PPM1E: variants seen among roughly 807,000 people sequenced by gnomAD.
PPM1E encodes the protein protein phosphatase, Mg2+/Mn2+ dependent 1E, also known as protein phosphatase 1E.
A neutral mutation model predicts 65.9 loss-of-function variants in PPM1E; 20 were observed. That is an observed-to-expected ratio of 0.30 (90% CI 0.21 to 0.44). The LOEUF is 0.44. Ranked by LOEUF, PPM1E falls within the 20% of genes least tolerant of loss-of-function variation. The probability of loss-of-function intolerance (pLI) is 1.00; values close to 1 mark genes in which losing one functional copy is unlikely to be tolerated. For missense variants in PPM1E, 713 were observed against 953.1 expected (o/e 0.75, Z 3.32); for synonymous variants, 352 against 374.9 (o/e 0.94, Z 0.70).
chr17:58,969,619 C>G lies in PPM1E; in HGVS notation c.864C>G (p.Leu288=), dbSNP rs142776229. 1,709 of 1,614,126 alleles carry G rather than the reference C, an allele frequency of 1.1e-3. 1 individual carries two copies. Among genetic ancestry groups the G allele is most frequent in the Middle Eastern group, 1.5e-3 (9 of 6,062 alleles). The part of the protein sequence containing the change: ...VDAAIYASIH[L]HVNLVRQEMF... ...CTGCTATTTATGCCTCCATTCACCT[C>G]CACGTTAACTTAGTCCGCCAGGAGA... The change falls in exon 4 of 7, where the codon CTC becomes CTG. Residue 288 remains leucine (L), a synonymous_variant. Transcript: ENST00000308249.
intron 1 of PPM1E, among the ~76,000 whole-genome samples, chr17:58,831,063 T>C (rs1275870566): frequency 6.7e-6 from 1 of 149,174 alleles, no homozygotes; most frequent in Non-Finnish European, 1.5e-5. Context: ...CAGGCTGGAG[T>C]GCAGTAGCAC....
intron 1 of PPM1E, among the ~76,000 whole-genome samples, chr17:58,882,736 A>G (rs1450874964): frequency 2.0e-5 from 3 of 151,928 alleles, no homozygotes; most frequent in Non-Finnish European, 2.9e-5. Context: ...TTCCGTAGCA[A>G]TACTACTATT....
intron 1 of PPM1E, among the ~76,000 whole-genome samples, chr17:58,937,345 C>T (rs2051996223): frequency 6.8e-6 from 1 of 146,444 alleles, no homozygotes; most frequent in African/African-American, 2.5e-5. Flanking sequence ...CTCACTGCAA[C>T]CTCCACCTCC....
chr17:58,836,910 C>CA (rs1400001583), intron 1 of PPM1E, among the ~76,000 whole-genome samples: 2 of 149,054 alleles, frequency 1.3e-5, no homozygotes, highest in Non-Finnish European at 3.0e-5. Flanking sequence ...GTCCCAGCTA[C>CA]ACGGGAGGCT....
intron 6 of PPM1E, among the ~76,000 whole-genome samples, chr17:58,973,690 C>T (rs553233601): frequency 6.6e-6 from 1 of 151,818 alleles, no homozygotes; most frequent in South Asian, 2.1e-4. Flanking sequence ...CAGTGGGTCA[C>T]GCCTGTATTC....
intron 2 of PPM1E, among the ~76,000 whole-genome samples, chr17:58,959,863 A>G (rs1412392058): frequency 6.6e-6 from 1 of 152,176 alleles, no homozygotes; most frequent in Non-Finnish European, 1.5e-5. Flanking sequence ...TAATGGGGGA[A>G]AATAAAAATA....
At chr17:58,816,857 G>A (rs958213157) in intron 1 of PPM1E, among the ~76,000 whole-genome samples, 17 of 140,856 alleles carry the variant, frequency 1.2e-4, no homozygotes, top group African/African-American at 3.9e-4. Context: ...GTGCAGTGGC[G>A]CGATCTCAGC....
intron 1 of PPM1E, among the ~76,000 whole-genome samples, chr17:58,812,615 A>G (rs1598586509): frequency 6.6e-6 from 1 of 152,254 alleles, no homozygotes; most frequent in Middle Eastern, 3.4e-3. Flanking sequence ...GTGTTGGGGC[A>G]TGATCTTGGT....
At chr17:58,760,876 A>C (rs1022483412) in intron 1 of PPM1E, among the ~76,000 whole-genome samples, 1 of 152,222 alleles carries the variant, frequency 6.6e-6, no homozygotes, top group Non-Finnish European at 1.5e-5. Context: ...GTTCATTACA[A>C]AGACAAGCTA....
At chr17:58,963,880 C>T (rs1387024703) in intron 2 of PPM1E, among the ~76,000 whole-genome samples, 1 of 151,980 alleles carries the variant, frequency 6.6e-6, no homozygotes, top group African/African-American at 2.4e-5. Flanking sequence ...CAGAGCAAGA[C>T]TCTCTCAGAA....
intron 1 of PPM1E, among the ~76,000 whole-genome samples, chr17:58,884,514 T>A (rs1239194522): frequency 6.6e-6 from 1 of 152,188 alleles, no homozygotes; most frequent in Non-Finnish European, 1.5e-5. Context: ...TATTTTAAAA[T>A]TTGCCTTAAT....
chr17:58,767,356 A>G (rs560743375), intron 1 of PPM1E, among the ~76,000 whole-genome samples: 1 of 152,338 alleles, frequency 6.6e-6, no homozygotes, highest in Admixed American at 6.6e-5. Context: ...TCACCAGGAC[A>G]TTAACCTAGG....
chr17:58,927,334 T>G (rs2051836227), intron 1 of PPM1E, among the ~76,000 whole-genome samples: 1 of 151,936 alleles, frequency 6.6e-6, no homozygotes, highest in African/African-American at 2.4e-5. Context: ...GATTTCACCG[T>G]GTCAGTCAGG....
At chr17:58,972,988 C>A in intron 6 of PPM1E, 63 bp downstream of exon 6, 1 of 1,104,072 alleles carries the variant, frequency 9.1e-7, no homozygotes, top group Non-Finnish European at 1.4e-6. Context: ...CCTGTATCAA[C>A]TCTGATACAG....
intron 3 of PPM1E, among the ~76,000 whole-genome samples, chr17:58,967,102 G>T (rs1259272529): frequency 6.6e-6 from 1 of 152,128 alleles, no homozygotes; most frequent in East Asian, 1.9e-4. Flanking sequence ...TAGCCCAAAG[G>T]ACTTAACTCA....
At chr17:58,942,203 T>G (rs1421912733) in intron 1 of PPM1E, among the ~76,000 whole-genome samples, 1 of 151,770 alleles carries the variant, frequency 6.6e-6, no homozygotes, top group Non-Finnish European at 1.5e-5. Flanking sequence ...CTGGGCAACA[T>G]AGTGAGACTA....
chr17:58,826,520 C>G (rs953363188), intron 1 of PPM1E, among the ~76,000 whole-genome samples: 12 of 152,068 alleles, frequency 7.9e-5, no homozygotes, highest in Non-Finnish European at 1.8e-4. Flanking sequence ...TACATTTAAT[C>G]AAATTATACA....
At chr17:58,946,557 G>A (rs2052153977) in intron 1 of PPM1E, among the ~76,000 whole-genome samples, 2 of 152,124 alleles carry the variant, frequency 1.3e-5, no homozygotes, top group Admixed American at 6.5e-5. Flanking sequence ...TGGGCTTAAA[G>A]CGATCTTCCT....
At chr17:58,830,797 G>A (rs1310118462) in intron 1 of PPM1E, among the ~76,000 whole-genome samples, 1 of 150,994 alleles carries the variant, frequency 6.6e-6, no homozygotes, top group Non-Finnish European at 1.5e-5. Context: ...CAATACTCCT[G>A]CCTCAGTCTC....
Sources: allele counts gnomAD v4.1 joint callset (sites outside exome capture counted in the v4.1 genomes callset), GRCh38; gene constraint gnomAD v4.1.1; transcripts MANE v1.5; gene names NCBI Gene and HGNC (gene_info 2026-07-23, HGNC 2026-07-21).